The following VPS13B variants were observed in gnomAD, a reference collection of about 807,000 sequenced individuals.
The protein encoded by VPS13B is vacuolar protein sorting 13 homolog B, also known as intermembrane lipid transfer protein VPS13B.
VPS13B carries 285 observed loss-of-function variants against 426.4 expected under a neutral mutation model. That is an observed-to-expected ratio of 0.67 (90% CI 0.61 to 0.74). VPS13B has a LOEUF of 0.74. VPS13B is among the 30% of genes least tolerant of loss of function. The pLI is 0.00. For synonymous variants in VPS13B, 1,676 were observed against 1,676.4 expected (o/e 1.00, Z 0.01); for missense variants, 4,537 against 4,782.6 (o/e 0.95, Z 1.51).
At chr8:99,835,839 C>T (rs1414179060) in intron 54 of VPS13B, 101 bp downstream of exon 54, 13 of 1,185,194 alleles carry the variant, frequency 1.1e-5, no homozygotes, top group Non-Finnish European at 8.5e-6. Flanking sequence ...AAATGCTGAA[C>T]ATCTTTTCTC....
chr8:99,135,114 G>C lies in VPS13B; in HGVS notation c.1402G>C (p.Glu468Gln). The C allele has an allele frequency of 6.2e-7, 1 of 1,613,468 alleles. No homozygotes were observed. Among genetic ancestry groups the C allele is most frequent in the Non-Finnish European group, 8.5e-7 (1 of 1,179,550 alleles). Residue 468 changes from glutamate to glutamine, a missense_variant, in exon 10 of 62, where the codon GAG (glutamate) becomes CAG (glutamine). Transcript: ENST00000357162. ...AATTATGGGTGTTAAAGATTTTGAA[G>C]AGAATATGAATAGAAGTGAAACTGT... The part of the protein sequence containing the change: ...KGIMGVKDFE[E>Q]NMNRSETEAC...
At chr8:99,375,129 T>A (rs1187453197) in intron 19 of VPS13B, among the ~76,000 whole-genome samples, 1 of 152,326 alleles carries the variant, frequency 6.6e-6, no homozygotes, top group East Asian at 1.9e-4. Context: ...AGATGGCAAG[T>A]GGGTGGGATC....
intron 19 of VPS13B, among the ~76,000 whole-genome samples, chr8:99,314,933 T>G (rs529355591): frequency 3.5e-4 from 53 of 152,326 alleles, no homozygotes; most frequent in Non-Finnish European, 4.7e-4. Flanking sequence ...TTATCTAATA[T>G]AAGTATAGCT....
chr8:99,398,520 A>G (rs1232018496), intron 21 of VPS13B, among the ~76,000 whole-genome samples: 2 of 152,214 alleles, frequency 1.3e-5, no homozygotes, highest in Admixed American at 6.5e-5. Context: ...GGGACAACCT[A>G]TGTACACCAA....
chr8:99,156,214 A>C (rs970847425), intron 14 of VPS13B, among the ~76,000 whole-genome samples: 10 of 152,206 alleles, frequency 6.6e-5, no homozygotes, highest in African/African-American at 2.4e-4. Flanking sequence ...TATCTAGGAA[A>C]CATTTTGGAA....
At chr8:99,533,388 G>T (rs949405605) in intron 30 of VPS13B, among the ~76,000 whole-genome samples, 29 of 152,150 alleles carry the variant, frequency 1.9e-4, no homozygotes, top group Non-Finnish European at 5.9e-5. Context: ...AATCTTGACA[G>T]TAGCTTTAAA....
chr8:99,599,228 A>G (rs559629905), intron 33 of VPS13B, among the ~76,000 whole-genome samples: 8 of 151,996 alleles, frequency 5.3e-5, no homozygotes, highest in Non-Finnish European at 8.8e-5. Flanking sequence ...TCTCAAGGTT[A>G]CTATTAATAT....
chr8:99,651,870 A>G (rs965309993), intron 34 of VPS13B, among the ~76,000 whole-genome samples: 42 of 152,242 alleles, frequency 2.8e-4, no homozygotes, highest in African/African-American at 1.0e-3. Context: ...GAATTTAACT[A>G]ACTCCTTAGT....
intron 19 of VPS13B, among the ~76,000 whole-genome samples, chr8:99,305,018 T>C (rs963297064): frequency 4.6e-5 from 7 of 152,162 alleles, no homozygotes; most frequent in African/African-American, 1.4e-4. Flanking sequence ...TCTCTTACCA[T>C]TTTCATTAGT....
intron 61 of VPS13B, chr8:99,873,368 G>C (rs1290065713): frequency 6.6e-6 from 1 of 152,162 alleles, no homozygotes; most frequent in East Asian, 1.9e-4. Context: ...AAGTTGCTGA[G>C]ATTATTGGGA....
chr8:99,567,785 C>T lies in VPS13B; in HGVS notation c.4950-7873C>T, dbSNP rs551658664. The stretch of plus-strand genomic sequence containing the variant: ...TTATCTTTCCTGCTAAACTGAATTC[C>T]GTGAGAAACAACATTATGTATCCAT... On this transcript the variant is annotated intron_variant, in intron 31 of 61. Transcript: ENST00000357162. Among the ~76,000 whole-genome samples the T allele has an allele frequency of 3.3e-5, 5 of 152,164 alleles. No homozygotes were observed. The South Asian group carries it at 8.3e-4, about 25-fold the overall frequency.
At chr8:99,261,189 A>C (rs2132950340) in intron 17 of VPS13B, among the ~76,000 whole-genome samples, 1 of 152,112 alleles carries the variant, frequency 6.6e-6, no homozygotes, top group African/African-American at 2.4e-5. Flanking sequence ...CATTCTATGG[A>C]TTTGGGAAAA....
chr8:99,315,342 T>C (rs1809578096), intron 19 of VPS13B, among the ~76,000 whole-genome samples: 1 of 152,140 alleles, frequency 6.6e-6, no homozygotes, highest in Admixed American at 6.5e-5. Context: ...TCTCTCTTTT[T>C]TTTTTTTTAA....
At chr8:99,141,349 G>T (rs1423396816) in intron 12 of VPS13B, among the ~76,000 whole-genome samples, 1 of 152,150 alleles carries the variant, frequency 6.6e-6, no homozygotes, top group Non-Finnish European at 1.5e-5. Context: ...AGACAATTTT[G>T]TGTCTAAAAG....
rs547838140 is a variant in VPS13B, at chr8:99,445,837, A to G, written c.3445+3202A>G. 7.2e-5 allele frequency among the ~76,000 whole-genome samples: 11 copies of G among 152,308 alleles called. No individual in the cohort carries two copies. In the South Asian group the frequency reaches 2.3e-3, roughly 32 times the overall value. On this transcript the variant is annotated intron_variant, in intron 23 of 61. Transcript: ENST00000357162. ...TTAAAACTTGATATCATTATTTTGT[A>G]ATATAATTGCTTAGATTTGGCATAT... is the stretch of plus-strand genomic sequence containing the variant.
intron 19 of VPS13B, among the ~76,000 whole-genome samples, chr8:99,339,979 A>G (rs1811148629): frequency 6.6e-6 from 1 of 152,212 alleles, no homozygotes; most frequent in Admixed American, 6.5e-5. Context: ...TAACTCCAAC[A>G]TCTAGTGAAA....
rs1201743997 is a variant in VPS13B at position 99,779,019 on chromosome 8, A to G, written c.7767A>G (p.Gln2589=). 2.5e-6 allele frequency: 4 copies of G among 1,613,362 alleles called. No individual in the cohort carries two copies. The African/African-American group carries it at 5.3e-5, about 22-fold the overall frequency. Residue 2589 remains glutamine, a synonymous_variant, in exon 42 of 62, where the codon CAA becomes CAG. Coordinates refer to ENST00000357162, the MANE Select transcript of VPS13B (RefSeq NM_152564.5). ...TCCATTCACTAAACACTGCAATACA[A>G]GCTTGGCAACAGGTATGCACATTCC... The part of the protein sequence containing the change: ...HVVHSLNTAI[Q]AWQQNKCPEV...
At chr8:99,085,231 C>A (rs1330926889) in intron 3 of VPS13B, among the ~76,000 whole-genome samples, 1 of 152,056 alleles carries the variant, frequency 6.6e-6, no homozygotes, top group East Asian at 1.9e-4. Flanking sequence ...CTCTTTTGAT[C>A]TTTGTTGGTT....
At chr8:99,044,798 C>T (rs1356044728) in intron 3 of VPS13B, among the ~76,000 whole-genome samples, 1 of 151,742 alleles carries the variant, frequency 6.6e-6, no homozygotes, top group Non-Finnish European at 1.5e-5. Flanking sequence ...TCCTCCAGGT[C>T]ACTACAAATG....
Sources: allele counts gnomAD v4.1 joint callset (sites outside exome capture counted in the v4.1 genomes callset), GRCh38; gene constraint gnomAD v4.1.1; transcripts MANE v1.5; gene names NCBI Gene and HGNC (gene_info 2026-07-23, HGNC 2026-07-21).